Variants in SDK1 observed in about 807,000 individuals in gnomAD.
The protein encoded by SDK1 is protein sidekick-1.
A neutral mutation model predicts 245.5 loss-of-function variants in SDK1; 157 were observed. That is an observed-to-expected ratio of 0.64 (90% CI 0.56 to 0.73). SDK1 has a LOEUF of 0.73. SDK1 is among the 30% of genes least tolerant of loss of function. The probability of loss-of-function intolerance (pLI) is 0.00; values close to 1 mark genes in which losing one functional copy is unlikely to be tolerated. For missense variants in SDK1, 3,583 were observed against 3,002.3 expected, an observed-to-expected ratio of 1.19 and a Z score of -4.52; for synonymous variants, 1,647 against 1,278.5, an observed-to-expected ratio of 1.29 and a Z score of -6.15.
In SDK1 at chr7:3,713,658, T is replaced by C. The variant is rs184799074; in HGVS notation, c.713+71553T>C. 1.2e-4 allele frequency among the ~76,000 whole-genome samples: 18 copies of C among 152,354 alleles called. No homozygotes were observed. The Middle Eastern group carries it at 0.01, about 86-fold the overall frequency. On this transcript the variant is annotated intron_variant, in intron 4 of 44. Coordinates refer to ENST00000404826, the MANE Select transcript of SDK1 (RefSeq NM_152744.4). ...AAGATCCCATCCGTCATCAGATACC[T>C]TTCTACAGCTTTCTGTCACAGTATT... is the stretch of plus-strand genomic sequence containing the variant.
chr7:3,970,520 G>T (rs1024449037), intron 11 of SDK1, among the ~76,000 whole-genome samples: 1 of 152,176 alleles, frequency 6.6e-6, no homozygotes, highest in Non-Finnish European at 1.5e-5. Flanking sequence ...GCAGTTTTTT[G>T]AACTTTTGTA....
In SDK1 at chr7:3,875,042, C is replaced by T. The variant is rs535611442; in HGVS notation, c.847+53459C>T. ...GTCCTGGTCTGTGGGGCTTTATACA[C>T]GCTCACTAGCCCATACTTGGCCTTA... On this transcript the variant is annotated intron_variant, in intron 5 of 44. Transcript: ENST00000404826. 4.6e-5 allele frequency among the ~76,000 whole-genome samples: 7 copies of T among 152,276 alleles called. No individual in the cohort carries two copies. In the East Asian group the frequency reaches 5.8e-4, roughly 13 times the overall value.
chr7:3,524,882 C>A (rs1364551169), intron 1 of SDK1, among the ~76,000 whole-genome samples: 1 of 152,120 alleles, frequency 6.6e-6, no homozygotes. Context: ...TGCAGTGAGT[C>A]ACATCTGTAA....
At chr7:3,768,695 C>G (rs1780325567) in intron 4 of SDK1, among the ~76,000 whole-genome samples, 1 of 152,130 alleles carries the variant, frequency 6.6e-6, no homozygotes, top group South Asian at 2.1e-4. Context: ...AGGTTTGGCA[C>G]AGAGCTGTAG....
chr7:3,947,086 A>G (rs915759860), intron 5 of SDK1, among the ~76,000 whole-genome samples: 3 of 152,232 alleles, frequency 2.0e-5, no homozygotes, highest in Non-Finnish European at 4.4e-5. Context: ...TTCTCAAAAT[A>G]TAGTCCAAAC....
intron 20 of SDK1, among the ~76,000 whole-genome samples, chr7:4,074,916 A>ATATATTTTTTTTTT (rs1434239449): frequency 3.1e-5 from 2 of 64,602 alleles, no homozygotes; most frequent in African/African-American, 2.4e-4. Context: ...ATATATATAT[A>ATATATTTTTTTTTT]TTTTTTTTTT....
At chr7:3,930,407 C>T (rs1779934354) in intron 5 of SDK1, among the ~76,000 whole-genome samples, 2 of 152,136 alleles carry the variant, frequency 1.3e-5, no homozygotes, top group South Asian at 4.1e-4. Flanking sequence ...GAACAGGATC[C>T]CCAGCTGAAT....
At position 4,047,137 on chromosome 7, in the gene SDK1, A is replaced by C. The variant is rs185800819; in HGVS notation, c.2603-2211A>C. On this transcript the variant is annotated intron_variant, in intron 17 of 44. Transcript: ENST00000404826. ...GGCGTTTTATAGGTGCCCTTTTTAA[A>C]ATTTAGAATGTTCCTTTAAATTCCT... Among the ~76,000 whole-genome samples, 5 of 152,274 alleles carry C rather than the reference A, an allele frequency of 3.3e-5. No homozygotes were observed. In the East Asian group the frequency reaches 9.6e-4, roughly 29 times the overall value.
chr7:3,482,100 A>G (rs1332070243), intron 1 of SDK1, among the ~76,000 whole-genome samples: 1 of 152,244 alleles, frequency 6.6e-6, no homozygotes, highest in Non-Finnish European at 1.5e-5. Flanking sequence ...ATCCTACCAG[A>G]CATTGTAAAG....
At chr7:3,369,533 G>A (rs1383142980) in intron 1 of SDK1, among the ~76,000 whole-genome samples, 1 of 152,114 alleles carries the variant, frequency 6.6e-6, no homozygotes, top group Non-Finnish European at 1.5e-5. Flanking sequence ...CAAGGAAAAA[G>A]TAATAAAAAG....
chr7:4,104,934 T>G (rs905088531), intron 22 of SDK1, among the ~76,000 whole-genome samples: 1 of 152,066 alleles, frequency 6.6e-6, no homozygotes, highest in African/African-American at 2.4e-5. Flanking sequence ...TTTGAACTCC[T>G]GGGCTCAAGA....
intron 14 of SDK1, among the ~76,000 whole-genome samples, chr7:4,007,691 G>T (rs920954051): frequency 2.0e-5 from 3 of 151,954 alleles, no homozygotes; most frequent in African/African-American, 7.3e-5. Flanking sequence ...TACAACCTCC[G>T]CCTCCCGGGT....
At chr7:3,828,371 C>G (rs927637246) in intron 5 of SDK1, among the ~76,000 whole-genome samples, 1 of 151,848 alleles carries the variant, frequency 6.6e-6, no homozygotes, top group Non-Finnish European at 1.5e-5. Context: ...TATTCTATAA[C>G]AAAATTTCTT....
At chr7:3,994,641 C>CA (rs58677753) in intron 14 of SDK1, among the ~76,000 whole-genome samples, 1,304 of 88,866 alleles carry the variant, frequency 0.015, 17 homozygotes, top group African/African-American at 0.035. Flanking sequence ...GACTTCATCT[C>CA]AAAAAAAAAA....
intron 1 of SDK1, among the ~76,000 whole-genome samples, chr7:3,360,647 C>T (rs1166937523): frequency 2.0e-5 from 3 of 152,146 alleles, no homozygotes; most frequent in South Asian, 2.1e-4. Context: ...CGTTGGATTG[C>T]GTGTCCTAGG....
intron 1 of SDK1, among the ~76,000 whole-genome samples, chr7:3,384,161 ATATTG>A (rs1244210659): frequency 2.6e-5 from 4 of 152,140 alleles, no homozygotes; most frequent in African/African-American, 9.7e-5. Flanking sequence ...GAAAACTTTA[ATATTG>A]TATTAAAGCT....
At chr7:3,836,159 G>A (rs561200427) in intron 5 of SDK1, among the ~76,000 whole-genome samples, 18 of 152,342 alleles carry the variant, frequency 1.2e-4, no homozygotes, top group Admixed American at 7.2e-4. Context: ...AATGAGCCAC[G>A]TGGAATAACA....
At chr7:3,911,133 A>G (rs1019189943) in intron 5 of SDK1, among the ~76,000 whole-genome samples, 6 of 152,194 alleles carry the variant, frequency 3.9e-5, no homozygotes, top group African/African-American at 1.4e-4. Context: ...ACAAAAGTTG[A>G]AAGGACACAT....
At chr7:3,789,198 A>C (rs1781004363) in intron 4 of SDK1, among the ~76,000 whole-genome samples, 2 of 152,010 alleles carry the variant, frequency 1.3e-5, no homozygotes, top group Non-Finnish European at 2.9e-5. Context: ...CCCAGGCTGG[A>C]GTGCAGTGGC....
Sources: gnomAD v4.1 joint callset for allele counts (sites outside exome capture counted in the v4.1 genomes callset) on GRCh38, gnomAD v4.1.1 for gene constraint, MANE v1.5 for transcripts, NCBI Gene and HGNC (gene_info 2026-07-23, HGNC 2026-07-21) for gene names.